SYNE1: variants seen among roughly 807,000 people sequenced by gnomAD.
SYNE1 encodes the protein spectrin repeat containing nuclear envelope protein 1.
Under a neutral mutation model 1,111.0 loss-of-function variants are expected in SYNE1, and 616 were observed. The ratio of observed to expected loss-of-function variants is 0.55; its 90% CI spans 0.52 to 0.59. SYNE1 has a LOEUF of 0.59. Among genes scored for constraint, SYNE1 ranks in the 20% least tolerant of loss-of-function variants. SYNE1 has a pLI of 0.00. For missense variants in SYNE1, 10,006 were observed against 10,417.0 expected (o/e 0.96, Z 1.72); for synonymous variants, 3,855 against 3,825.8 (o/e 1.01, Z -0.28).
At chr6:152,227,338 A>T (rs1031952233) in intron 115 of SYNE1, among the ~76,000 whole-genome samples, 2 of 152,206 alleles carry the variant, frequency 1.3e-5, no homozygotes, top group African/African-American at 4.8e-5. Context: ...GCCATTTGGC[A>T]ATGTGCCATG....
Position 152,143,631 on chromosome 6 carries a change from T to G in SYNE1, c.25111A>C (p.Lys8371Gln), listed in dbSNP as rs1562981804. The G allele has an allele frequency of 6.8e-6, 11 of 1,614,202 alleles. No homozygotes were observed. The highest frequency in any genetic ancestry group is 9.3e-6 in the Non-Finnish European group (11 of 1,180,044). Residue 8371 changes from lysine (K) to glutamine (Q), a missense_variant, in exon 138 of 146, where the codon AAA becomes CAA. This residue lies in a region of SYNE1 where 761 missense variants were observed against 795.5 expected (regional missense o/e 0.96). Coordinates refer to ENST00000367255, the MANE Select transcript of SYNE1 (RefSeq NM_182961.4). ...ATGGCCAGGATACTTACGTAGCCTT[T>G]GTAGCTGGTGTCTAGCTCCGGCCCC... is the stretch of plus-strand genomic sequence containing the variant. ...PTGPELDTSY[K>Q]GYMKLLGECS... is the part of the protein sequence containing the mutation.
intron 112 of SYNE1, among the ~76,000 whole-genome samples, chr6:152,232,704 T>C (rs1417229035): frequency 6.6e-6 from 1 of 152,052 alleles, no homozygotes; most frequent in African/African-American, 2.4e-5. Context: ...TTTTCTAGAG[T>C]TTTTGGCACT....
intron 58 of SYNE1, 106 bp downstream of exon 58, chr6:152,376,275 A>G (rs1229463696): frequency 4.8e-6 from 6 of 1,244,660 alleles, no homozygotes; most frequent in Non-Finnish European, 7.0e-6. Context: ...CTAACAGGCC[A>G]GGGACCTGTA....
At chr6:152,396,729 A>T in intron 50 of SYNE1, 46 bp downstream of exon 50, 1 of 1,557,834 alleles carries the variant, frequency 6.4e-7, no homozygotes, top group African/African-American at 1.4e-5. Context: ...GCCTTTAAAA[A>T]CACACTTGGT....
At chr6:152,294,850 G>C (rs547728974) in intron 93 of SYNE1, among the ~76,000 whole-genome samples, 1 of 152,238 alleles carries the variant, frequency 6.6e-6, no homozygotes. Context: ...GATATATCAA[G>C]AGATATAGTA....
At chr6:152,593,744 T>C (rs1417158818) in intron 3 of SYNE1, among the ~76,000 whole-genome samples, 2 of 152,224 alleles carry the variant, frequency 1.3e-5, no homozygotes, top group African/African-American at 4.8e-5. Context: ...GTAAACCATG[T>C]GGCCTTGACC....
intron 95 of SYNE1, among the ~76,000 whole-genome samples, chr6:152,290,452 G>A (rs1400575862): frequency 4.6e-5 from 7 of 152,158 alleles, no homozygotes; most frequent in Non-Finnish European, 2.9e-5. Flanking sequence ...AGCTACTCGG[G>A]AGGCTGAGGC....
chr6:152,625,688 AT>A (rs2099684320), intron 3 of SYNE1, among the ~76,000 whole-genome samples: 1 of 152,188 alleles, frequency 6.6e-6, no homozygotes, highest in Non-Finnish European at 1.5e-5. Context: ...TAGTTACTTT[AT>A]TGTGTAATAA....
intron 11 of SYNE1, among the ~76,000 whole-genome samples, chr6:152,492,142 G>A (rs1021629120): frequency 6.6e-6 from 1 of 152,122 alleles, no homozygotes; most frequent in Non-Finnish European, 1.5e-5. Context: ...GGCCTGTTTG[G>A]CAACAACCCT....
chr6:152,586,992 A>G (rs1346776618), intron 3 of SYNE1, among the ~76,000 whole-genome samples: 1 of 152,094 alleles, frequency 6.6e-6, no homozygotes, highest in Admixed American at 6.6e-5. Context: ...CATTCTCCAC[A>G]TCTACAATGG....
In SYNE1 at chr6:152,584,023, T is replaced by C. The variant is rs556116632; in HGVS notation, c.68-44002A>G. Among the ~76,000 whole-genome samples the C allele has an allele frequency of 3.0e-4, 45 of 152,370 alleles. No individual in the cohort carries two copies. In the East Asian group the frequency reaches 6.6e-3, roughly 22 times the overall value. ...GGAAGGCATTATTGCCTGGGGGTTA[T>C]GAACAGAAGCTCTGGTACCAGACTG... is the stretch of plus-strand genomic sequence containing the variant. On this transcript the variant is annotated intron_variant, in intron 3 of 145. Coordinates refer to ENST00000367255, the MANE Select transcript of SYNE1 (RefSeq NM_182961.4).
intron 84 of SYNE1, among the ~76,000 whole-genome samples, 185 bp downstream of exon 84, chr6:152,321,053 G>A (rs2095858610): frequency 6.6e-6 from 1 of 151,978 alleles, no homozygotes; most frequent in South Asian, 2.1e-4. Context: ...TGGCATTATT[G>A]GTCATATCTA....
At chr6:152,337,309 GAC>G (rs2096417879) in intron 75 of SYNE1, among the ~76,000 whole-genome samples, 1 of 147,008 alleles carries the variant, frequency 6.8e-6, no homozygotes, top group African/African-American at 2.5e-5. Flanking sequence ...TTTTTTTTGA[GAC>G]AGAGTTTCGC....
chr6:152,441,367 C>A (rs1360235518), intron 31 of SYNE1, 97 bp from the exon 32 acceptor site: 3 of 1,334,332 alleles, frequency 2.2e-6, no homozygotes, highest in Admixed American at 2.0e-5. Context: ...TCAGCGAATT[C>A]TCATTTCAAA....
At chr6:152,131,974 G>A in intron 144 of SYNE1, 148 bp downstream of exon 144, 1 of 654,936 alleles carries the variant, frequency 1.5e-6, no homozygotes, top group Non-Finnish European at 2.7e-6. Flanking sequence ...GGGAGGGGAT[G>A]TGGCAGGGCT....
At chr6:152,237,101 T>C (rs2084304350) in intron 108 of SYNE1, among the ~76,000 whole-genome samples, 153 bp from the exon 109 acceptor site, 1 of 152,168 alleles carries the variant, frequency 6.6e-6, no homozygotes, top group African/African-American at 2.4e-5. Flanking sequence ...AAAGATGGCT[T>C]TAAAGCAAGT....
intron 102 of SYNE1, among the ~76,000 whole-genome samples, chr6:152,255,994 G>GT (rs2090715200): frequency 6.6e-6 from 1 of 152,230 alleles, no homozygotes; most frequent in African/African-American, 2.4e-5. Context: ...AGCTTCTTAG[G>GT]AGGCTGAAGC....
At chr6:152,269,456 T>C (rs540759792) in intron 98 of SYNE1, among the ~76,000 whole-genome samples, 170 bp from the exon 99 acceptor site, 37 of 152,298 alleles carry the variant, frequency 2.4e-4, no homozygotes, top group South Asian at 8.3e-4. Context: ...ATCTAAGTTA[T>C]GGCATTTGCA....
intron 39 of SYNE1, among the ~76,000 whole-genome samples, chr6:152,422,802 C>G (rs757651202): frequency 1.1e-4 from 17 of 152,356 alleles, no homozygotes; most frequent in Non-Finnish European, 1.6e-4. Context: ...AGCCATCACA[C>G]CCAATCTCTA....
Sources: allele counts gnomAD v4.1 joint callset (sites outside exome capture counted in the v4.1 genomes callset), GRCh38; gene constraint gnomAD v4.1.1; regional missense constraint gnomAD v4.1.1; transcripts MANE v1.5; gene names NCBI Gene and HGNC (gene_info 2026-07-23, HGNC 2026-07-21).